GSDME: variants seen among roughly 807,000 people sequenced by gnomAD.
The protein encoded by GSDME is gasdermin E, also known as gasdermin-E.
In GSDME, 44 loss-of-function variants were observed where a neutral mutation model predicts 47.5. That is an observed-to-expected ratio of 0.93 (90% confidence interval 0.73 to 1.19). The LOEUF (loss-of-function observed/expected upper bound fraction) is 1.19. Ranked by LOEUF, GSDME falls within the 50% of genes most tolerant of loss-of-function variation. The pLI is 0.00. For synonymous variants in GSDME, 258 were observed against 252.8 expected, an observed-to-expected ratio of 1.02 and a Z score of -0.20; for missense variants, 663 against 604.2, an observed-to-expected ratio of 1.10 and a Z score of -1.02.
chr7:24,759,872 T>C, upstream of GSDME, among the ~76,000 whole-genome samples: 1 of 152,206 alleles, frequency 6.6e-6, no homozygotes, highest in East Asian at 1.9e-4. Flanking sequence ...AGCCATAACT[T>C]TTTTAAAAAA....
intron 2 of GSDME, among the ~76,000 whole-genome samples, chr7:24,748,157 T>C (rs1368403346): frequency 9.2e-6 from 1 of 108,684 alleles, no homozygotes; most frequent in South Asian, 4.0e-4. Context: ...TATATATATA[T>C]ATATATATAT....
In GSDME at chr7:24,744,569, CAG is replaced by C. The variant is rs1187190236; in HGVS notation, c.395_396del (p.Ser132CysfsTer21). Reference protein sequence around the residue: ...EVDLQQLIRDSAERTINLRNP... With the variant: ...EVDLQQLIRDXAERTINLRNP... The stretch of plus-strand genomic sequence containing the variant: ...CCAAACAAGTCTCCTTACCTCTCGG[CAG>C]AGTCTCTGATGAGCTGCTGCAAATC... On this transcript the variant is annotated frameshift_variant, in exon 3 of 10. Transcript: ENST00000645220. LOFTEE classifies it high-confidence loss of function. The surrounding 1 kb of genome is among the most constrained non-coding windows in gnomAD (Gnocchi z 4.5). 1 of 1,614,202 alleles carries C rather than the reference CAG, an allele frequency of 6.2e-7. No individual in the cohort carries two copies. The highest frequency in any genetic ancestry group is 8.5e-7 in the Non-Finnish European group (1 of 1,180,028).
chr7:24,708,596 T>C (rs1789220884), intron 6 of GSDME, among the ~76,000 whole-genome samples: 1 of 152,228 alleles, frequency 6.6e-6, no homozygotes, highest in African/African-American at 2.4e-5. Flanking sequence ...TAGAAGTAAA[T>C]TATCAAAGCT....
At chr7:24,708,563 A>G (rs886718914) in intron 6 of GSDME, among the ~76,000 whole-genome samples, 1 of 152,204 alleles carries the variant, frequency 6.6e-6, no homozygotes, top group African/African-American at 2.4e-5. Context: ...AGTTATTTAA[A>G]TTCTTCTTTA....
At chr7:24,719,024 C>A (rs1238785328) in intron 4 of GSDME, 23 bp downstream of exon 4, 1 of 1,611,036 alleles carries the variant, frequency 6.2e-7, no homozygotes, top group Non-Finnish European at 8.5e-7. Flanking sequence ...GCCATGAACG[C>A]AGGGCAGCCC....
intron 7 of GSDME, chr7:24,707,485 A>C (rs914754712): frequency 2.1e-6 from 1 of 465,126 alleles, no homozygotes; most frequent in African/African-American, 2.0e-5. Flanking sequence ...GAACAGGCTG[A>C]CTTTATAGAT....
upstream of GSDME, chr7:24,757,556 C>T (rs933113118): frequency 1.1e-4 from 16 of 151,230 alleles, no homozygotes; most frequent in African/African-American, 3.6e-4. The surrounding 1 kb of genome is among the most constrained non-coding windows in gnomAD (Gnocchi z 5.9). Context: ...AGCCGCGGGA[C>T]TGGCCGCCGG....
chr7:24,703,533 A>C (rs1157813302), intron 8 of GSDME: 1 of 155,442 alleles, frequency 6.4e-6, no homozygotes, highest in African/African-American at 2.4e-5. Context: ...AAAGGACCAT[A>C]GTCCCTTGGG....
chr7:24,788,403 A>G, the GSDME span, among the ~76,000 whole-genome samples: 1 of 15,094 alleles, frequency 6.6e-5, no homozygotes, highest in Non-Finnish European at 1.3e-4. This position sits in a 1 kb window ranked among gnomAD's most constrained non-coding sequence, Gnocchi z 4.6. Context: ...CCTCCTCAGG[A>G]GCTCCAGCTA....
In GSDME at chr7:24,736,603, G is replaced by C. The variant is rs141701857; in HGVS notation, c.404+7959C>G. ...CATCAACACCTAGCTTTCAGCATTT[G>C]ACAGATCATCCAGACAGAAAATCAA... is the stretch of plus-strand genomic sequence containing the variant. On this transcript the variant is annotated intron_variant, in intron 3 of 9. Transcript: ENST00000645220. The surrounding 1 kb of genome is among the most constrained non-coding windows in gnomAD (Gnocchi z 4.6). Among the ~76,000 whole-genome samples the C allele has an allele frequency of 6.9e-4, 105 of 152,282 alleles. 2 individuals carry two copies. The East Asian group carries it at 0.017, about 25-fold the overall frequency.
At chr7:24,782,378 G>A in the GSDME span, among the ~76,000 whole-genome samples, 13 of 152,114 alleles carry the variant, frequency 8.5e-5, no homozygotes, top group South Asian at 6.2e-4. Context: ...CATCCATGTC[G>A]CTACAAAGGA....
chr7:24,716,781 C>CTG lies in GSDME; in HGVS notation c.697+471_697+472dup. ...AGGTGGAGGAATTAATAAATGACCA[C>CTG]TGTGCCAGGCGCTTCATAGGCCTCA... On this transcript the variant is annotated intron_variant, in intron 5 of 9. Coordinates refer to ENST00000645220, the MANE Select transcript of GSDME (RefSeq NM_001127453.2). This position sits in a 1 kb window ranked among gnomAD's most constrained non-coding sequence, Gnocchi z 4.5. 5.1e-6 allele frequency: 1 copy of CTG among 197,854 alleles called. No homozygotes were observed. The highest frequency in any genetic ancestry group is 1.1e-4 in the South Asian group (1 of 9,106). The allele number at this position is 197,854 out of a possible 1,614,324, so 12.3% of individuals were successfully genotyped here.
Position 24,721,291 on chromosome 7 carries a change from G to A in GSDME, c.405-2073C>T, listed in dbSNP as rs112290048. 5.6e-4 allele frequency among the ~76,000 whole-genome samples: 86 copies of A among 152,332 alleles called. No homozygotes were observed. Among genetic ancestry groups the A allele is most frequent in the African/African-American group, 2.0e-3 (83 of 41,584 alleles). ...AATAGATAAGACATAGGAAAAACGGGTTCAATCTTAGTACTGGTTAAGGAA... is the reference window on the plus strand; with the variant it reads ...AATAGATAAGACATAGGAAAAACGGATTCAATCTTAGTACTGGTTAAGGAA... On this transcript the variant is annotated intron_variant, in intron 3 of 9. Coordinates refer to ENST00000645220, the MANE Select transcript of GSDME (RefSeq NM_001127453.2). This position sits in a 1 kb window ranked among gnomAD's most constrained non-coding sequence, Gnocchi z 4.1.
At chr7:24,707,291 C>A in intron 7 of GSDME, 1 of 469,256 alleles carries the variant, frequency 2.1e-6, no homozygotes, top group South Asian at 1.6e-5. Flanking sequence ...TAGTCAAAAT[C>A]AGGTTTATAA....
chr7:24,773,465 A>G, the GSDME span, among the ~76,000 whole-genome samples: 1 of 152,220 alleles, frequency 6.6e-6, no homozygotes, highest in African/African-American at 2.4e-5. This position sits in a 1 kb window ranked among gnomAD's most constrained non-coding sequence, Gnocchi z 5.4. Context: ...CATTTTAATT[A>G]TATTCCTATT....
At chr7:24,763,800 G>C in the GSDME span, among the ~76,000 whole-genome samples, 1 of 152,186 alleles carries the variant, frequency 6.6e-6, no homozygotes, top group Non-Finnish European at 1.5e-5. This position sits in a 1 kb window ranked among gnomAD's most constrained non-coding sequence, Gnocchi z 4.3. Context: ...AAAAGGAACT[G>C]GGTTTCGAGA....
chr7:24,740,070 G>A lies in GSDME; in HGVS notation c.404+4492C>T, dbSNP rs576446719. ...ATTATACCACTGCACTCCAGCCTGGGTGACAGAGCAAGACTCCATCTCAAA... is the reference window on the plus strand; with the variant it reads ...ATTATACCACTGCACTCCAGCCTGGATGACAGAGCAAGACTCCATCTCAAA... On this transcript the variant is annotated intron_variant, in intron 3 of 9. Coordinates refer to ENST00000645220, the MANE Select transcript of GSDME (RefSeq NM_001127453.2). Among the ~76,000 whole-genome samples, 40 of 148,838 alleles carry A rather than the reference G, an allele frequency of 2.7e-4. 1 individual carries two copies. The South Asian group carries it at 8.8e-3, about 33-fold the overall frequency.
chr7:24,699,136 T>A lies in GSDME; in HGVS notation c.1381A>T (p.Arg461Ter), dbSNP rs771832119. Residue 461 changes from arginine (R) to a stop codon, truncating the protein, a stop_gained, in exon 10 of 10, where the codon AGA becomes TGA. Coordinates refer to ENST00000645220, the MANE Select transcript of GSDME (RefSeq NM_001127453.2). LOFTEE classifies it low-confidence loss of function (END_TRUNC). ...ACAGCTTTCACAGATGACTTCAGTC[T>A]CTCCAGACTAATGTCAGCTGAGGCA... ...LFASADISLE[R>*]LKSSVKAVIL... 1 of 1,614,100 alleles carries A rather than the reference T, an allele frequency of 6.2e-7. No individual in the cohort carries two copies. Among genetic ancestry groups the A allele is most frequent in the Non-Finnish European group, 8.5e-7 (1 of 1,179,992 alleles).
intron 1 of GSDME, among the ~76,000 whole-genome samples, chr7:24,750,686 C>A (rs1790829962): frequency 6.6e-6 from 1 of 152,174 alleles, no homozygotes; most frequent in Non-Finnish European, 1.5e-5. Context: ...TTACTTATGA[C>A]TACTTATTTG....
Sources: allele counts gnomAD v4.1 joint callset (sites outside exome capture counted in the v4.1 genomes callset), GRCh38; gene constraint gnomAD v4.1.1; non-coding constraint Gnocchi (gnomAD v3.1); transcripts MANE v1.5; gene names NCBI Gene and HGNC (gene_info 2026-07-23, HGNC 2026-07-21).